PDE4B: variants seen among roughly 807,000 people sequenced by gnomAD.
PDE4B encodes the protein 3',5'-cyclic-AMP phosphodiesterase 4B.
A neutral mutation model predicts 82.2 loss-of-function variants in PDE4B; 20 were observed. The ratio of observed to expected loss-of-function variants is 0.24; its 90% CI spans 0.17 to 0.35. The LOEUF is 0.35. PDE4B is among the 10% of genes least tolerant of loss of function. PDE4B has a pLI of 1.00. For missense variants in PDE4B, 655 were observed against 907.2 expected, an observed-to-expected ratio of 0.72 and a Z score of 3.57; for synonymous variants, 320 against 318.9, an observed-to-expected ratio of 1.00 and a Z score of -0.04.
At chr1:65,844,485 A>G (rs1005407209) in intron 1 of PDE4B, among the ~76,000 whole-genome samples, 3 of 152,208 alleles carry the variant, frequency 2.0e-5, no homozygotes, top group Non-Finnish European at 4.4e-5. Context: ...TTTCCAGCTA[A>G]AACTGGCTTA....
chr1:66,337,357 C>A (rs902332397), intron 8 of PDE4B, among the ~76,000 whole-genome samples: 2 of 152,206 alleles, frequency 1.3e-5, no homozygotes, highest in African/African-American at 2.4e-5. Context: ...ATCTGCTGGA[C>A]CCCCACATTC....
chr1:65,888,124 T>C (rs1382324336), intron 1 of PDE4B, among the ~76,000 whole-genome samples: 1 of 152,192 alleles, frequency 6.6e-6, no homozygotes, highest in African/African-American at 2.4e-5. Flanking sequence ...TTGATTTTTG[T>C]ATTTGGTGAG....
chr1:66,310,729 G>A (rs1658608872), intron 7 of PDE4B, among the ~76,000 whole-genome samples: 1 of 152,104 alleles, frequency 6.6e-6, no homozygotes, highest in African/African-American at 2.4e-5. Context: ...TAATGCTTAT[G>A]TCAAGATAGC....
chr1:66,244,777 TC>T (rs2101667613), intron 3 of PDE4B, among the ~76,000 whole-genome samples: 1 of 152,332 alleles, frequency 6.6e-6, no homozygotes, highest in South Asian at 2.1e-4. Flanking sequence ...CAGCAAGCTC[TC>T]CTGAGTTTAA....
At chr1:66,024,589 AG>A (rs1653333113) in intron 3 of PDE4B, among the ~76,000 whole-genome samples, 1 of 152,190 alleles carries the variant, frequency 6.6e-6, no homozygotes, top group Non-Finnish European at 1.5e-5. Flanking sequence ...CAAAATGTAC[AG>A]GTCATATAAT....
At chr1:66,013,409 T>C (rs774681433) in intron 3 of PDE4B, among the ~76,000 whole-genome samples, 5 of 152,166 alleles carry the variant, frequency 3.3e-5, no homozygotes, top group Non-Finnish European at 5.9e-5. Flanking sequence ...CTTTGGATTC[T>C]ACATTTTCAA....
chr1:65,879,719 A>G (rs1646689013), intron 1 of PDE4B, among the ~76,000 whole-genome samples: 1 of 152,220 alleles, frequency 6.6e-6, no homozygotes, highest in Non-Finnish European at 1.5e-5. Context: ...GTATAGCTGT[A>G]GTACAAGGAA....
chr1:66,339,875 G>A (rs1169753163), intron 8 of PDE4B, among the ~76,000 whole-genome samples: 4 of 148,224 alleles, frequency 2.7e-5, no homozygotes, highest in Non-Finnish European at 4.5e-5. Flanking sequence ...GAATATGTCC[G>A]AGTCTAAAAG....
intron 3 of PDE4B, among the ~76,000 whole-genome samples, chr1:66,034,692 A>G (rs7544451): frequency 0.69 from 105,180 of 152,092 alleles, 38,659 homozygotes; most frequent in Non-Finnish European, 0.83. Flanking sequence ...AATGAACCTC[A>G]CTTTTCTGTT....
intron 1 of PDE4B, among the ~76,000 whole-genome samples, chr1:65,877,100 A>G (rs576198306): frequency 6.6e-6 from 1 of 152,312 alleles, no homozygotes; most frequent in African/African-American, 2.4e-5. Context: ...AGCCAAGACA[A>G]TACTAAGCAA....
At chr1:66,319,816 G>T (rs1373693224) in intron 7 of PDE4B, among the ~76,000 whole-genome samples, 1 of 152,130 alleles carries the variant, frequency 6.6e-6, no homozygotes, top group Non-Finnish European at 1.5e-5. Flanking sequence ...ACTATAAAAT[G>T]GTATTTAGGG....
At chr1:66,363,052 T>G in intron 10 of PDE4B, 116 bp from the exon 11 acceptor site, 1 of 684,904 alleles carries the variant, frequency 1.5e-6, no homozygotes, top group Non-Finnish European at 2.5e-6. Context: ...ACTAAAGCAC[T>G]CTAAGGAGAC....
At chr1:66,164,234 C>G (rs1484477608) in intron 3 of PDE4B, among the ~76,000 whole-genome samples, 1 of 151,940 alleles carries the variant, frequency 6.6e-6, no homozygotes, top group Non-Finnish European at 1.5e-5. Flanking sequence ...TGGTTCATCT[C>G]TTATGAAAAG....
At chr1:65,802,223 G>A (rs183431008) in intron 1 of PDE4B, among the ~76,000 whole-genome samples, 4 of 152,140 alleles carry the variant, frequency 2.6e-5, no homozygotes, top group Non-Finnish European at 5.9e-5. Flanking sequence ...CTTAATAACC[G>A]AGGAAACTAT....
chr1:66,066,499 A>G (rs991205623), intron 3 of PDE4B, among the ~76,000 whole-genome samples: 2 of 151,916 alleles, frequency 1.3e-5, no homozygotes, highest in African/African-American at 2.4e-5. Flanking sequence ...GAATTTAACT[A>G]TCACACTTTA....
chr1:66,012,125 C>T (rs189513108), intron 3 of PDE4B, among the ~76,000 whole-genome samples: 100 of 152,130 alleles, frequency 6.6e-4, no homozygotes, highest in Non-Finnish European at 1.2e-3. Context: ...TTTTTTTAGC[C>T]AAGTGTTCAC....
At chr1:65,977,775 G>A (rs1490980950) in intron 3 of PDE4B, among the ~76,000 whole-genome samples, 1 of 152,144 alleles carries the variant, frequency 6.6e-6, no homozygotes, top group Non-Finnish European at 1.5e-5. Context: ...TAGGCACTAA[G>A]GAGAAAGTTT....
intron 3 of PDE4B, among the ~76,000 whole-genome samples, chr1:66,072,784 G>T (rs902261764): frequency 6.6e-6 from 1 of 152,002 alleles, no homozygotes; most frequent in African/African-American, 2.4e-5. Context: ...ATCATATATG[G>T]TCCTTGTCCT....
At chr1:65,799,230 T>A (rs562420892) in intron 1 of PDE4B, among the ~76,000 whole-genome samples, 15 of 152,334 alleles carry the variant, frequency 9.8e-5, no homozygotes, top group African/African-American at 3.6e-4. Context: ...TAAAAAGCCA[T>A]AAGGAAATCT....
Sources: allele counts gnomAD v4.1 joint callset (sites outside exome capture counted in the v4.1 genomes callset), GRCh38; gene constraint gnomAD v4.1.1; transcripts MANE v1.5; gene names NCBI Gene and HGNC (gene_info 2026-07-23, HGNC 2026-07-21).